The following BRWD1 variants were observed in gnomAD, a reference collection of about 807,000 sequenced individuals.
BRWD1 encodes bromodomain and WD repeat-containing protein 1.
A neutral mutation model predicts 251.2 loss-of-function variants in BRWD1; 82 were observed. The observed-to-expected ratio is 0.33, with a 90% CI of 0.27 to 0.39. BRWD1 has a LOEUF of 0.39. BRWD1 is among the 10% of genes least tolerant of loss of function. BRWD1 has a pLI of 1.00. For missense variants in BRWD1, 2,233 were observed against 2,711.6 expected (o/e 0.82, Z 3.92); for synonymous variants, 918 against 902.8 (o/e 1.02, Z -0.30).
rs1456317099 is a variant in BRWD1, at chr21:39,193,762, T to TA, written c.*2496dup. On this transcript the variant is annotated 3_prime_UTR_variant, in exon 41 of 41. Coordinates refer to ENST00000342449, the MANE Select transcript of BRWD1 (RefSeq NM_033656.4). ...TAAACATTAAAGTACACCTGTGCAT[T>TA]AAATCCCTGGGCATTTTGCATAACG... 1.0e-6 allele frequency: 1 copy of TA among 985,466 alleles called. No individual in the cohort carries two copies. Among genetic ancestry groups the TA allele is most frequent in the Non-Finnish European group, 1.2e-6 (1 of 829,718 alleles). 61.0% of individuals were successfully genotyped at this position (985,466 alleles called of 1,614,324 possible). A position where few individuals can be genotyped will look rare whatever the true frequency, so the allele number is the denominator to read the frequency against.
At chr21:39,247,501 C>A (rs1044715653) in intron 21 of BRWD1, among the ~76,000 whole-genome samples, 200 bp downstream of exon 21, 4 of 152,240 alleles carry the variant, frequency 2.6e-5, no homozygotes, top group African/African-American at 7.2e-5. Flanking sequence ...ACATGTAAAA[C>A]CACTGGATTG....
chr21:39,199,270 C>T lies in BRWD1; in HGVS notation c.5146G>A (p.Glu1716Lys). The T allele has an allele frequency of 6.2e-7, 1 of 1,614,212 alleles. No individual in the cohort carries two copies. The highest frequency in any genetic ancestry group is 8.5e-7 in the Non-Finnish European group (1 of 1,180,046). The change falls in exon 40 of 41, where the codon GAA (glutamate) becomes AAA (lysine). Residue 1716 changes from glutamate (E) to lysine (K), a missense_variant. Physicochemically the swap from Glu to Lys is moderately conservative, Grantham distance 56. Around this residue, in one of 12 missense-constraint regions of BRWD1, gnomAD observed 928 missense variants for 970.0 expected, o/e 0.96. Coordinates refer to ENST00000342449, the MANE Select transcript of BRWD1 (RefSeq NM_033656.4). The stretch of plus-strand genomic sequence containing the variant: ...CTTTCTGACTCTGAGTCTCTGTTTT[C>T]AGATTCATCAACATTGCTCTGGGCA... ...HTAQSNVDES[E>K]NRDSESESDL...
chr21:39,206,569 G>A (rs1413823388), intron 36 of BRWD1, among the ~76,000 whole-genome samples: 1 of 152,166 alleles, frequency 6.6e-6, no homozygotes, highest in African/African-American at 2.4e-5. Flanking sequence ...ACATCTGTAT[G>A]TACAAACCCC....
rs1451071009 is a variant in BRWD1 at position 39,198,966 on chromosome 21, T to C, written c.5450A>G (p.Lys1817Arg). 2 of 1,614,112 alleles carry C rather than the reference T, an allele frequency of 1.2e-6. No individual in the cohort carries two copies. Among genetic ancestry groups the C allele is most frequent in the East Asian group, 4.5e-5 (2 of 44,886 alleles). Residue 1817 changes from lysine (K) to arginine (R), a missense_variant, in exon 40 of 41, where the codon AAG becomes AGG. Lys to Arg is a conservative substitution (Grantham distance 26, BLOSUM62 2). This residue lies in a region of BRWD1 where 928 missense variants were observed against 970.0 expected (regional missense o/e 0.96). Transcript: ENST00000342449. Reference sequence around the variant, plus strand: ...AGAGTCTTCTGAGTCACTCAGAATCTTGGTTTTTTTAAAGAAACTCGCATT... The same window carrying C: ...AGAGTCTTCTGAGTCACTCAGAATCCTGGTTTTTTTAAAGAAACTCGCATT... ...HKNASFFKKT[K>R]ILSDSEDSES...
intron 18 of BRWD1, among the ~76,000 whole-genome samples, chr21:39,256,080 A>T (rs1185999665): frequency 6.6e-6 from 1 of 152,208 alleles, no homozygotes; most frequent in East Asian, 1.9e-4. Flanking sequence ...CGGCTTCCCA[A>T]AGTGCTGGGA....
rs2031702370 is a variant in BRWD1 at position 39,194,341 on chromosome 21, A to G, written c.*1918T>C. On this transcript the variant is annotated 3_prime_UTR_variant, in exon 41 of 41. Transcript: ENST00000342449. Reference sequence around the variant, plus strand: ...GAACAGATTATAAAAGAGAAGGTTAAGAAGAGTTTAAATAAATTAATGGAT... The same window carrying G: ...GAACAGATTATAAAAGAGAAGGTTAGGAAGAGTTTAAATAAATTAATGGAT... 4 of 1,041,364 alleles carry G rather than the reference A, an allele frequency of 3.8e-6. No homozygotes were observed. Among genetic ancestry groups the G allele is most frequent in the African/African-American group, 1.7e-5 (1 of 58,790 alleles). 64.5% of individuals were successfully genotyped at this position (1,041,364 alleles called of 1,614,324 possible).
chr21:39,304,141 C>CAAAAAAAAAAAAAAAAAAA (rs56990201), intron 4 of BRWD1, among the ~76,000 whole-genome samples: 5 of 118,404 alleles, frequency 4.2e-5, no homozygotes, highest in Non-Finnish European at 5.2e-5. Flanking sequence ...AACTCTTTCT[C>CAAAAAAAAAAAAAAAAAAA]AAAAAAAAAA....
At position 39,192,689 on chromosome 21, in the gene BRWD1, G is replaced by A; in HGVS notation, c.*3570C>T. 1 of 985,002 alleles carries A rather than the reference G, an allele frequency of 1.0e-6. No individual in the cohort carries two copies. The highest frequency in any genetic ancestry group is 1.2e-6 in the Non-Finnish European group (1 of 829,710). 61.0% of individuals were successfully genotyped at this position (985,002 alleles called of 1,614,324 possible). On this transcript the variant is annotated 3_prime_UTR_variant, in exon 41 of 41. Coordinates refer to ENST00000342449, the MANE Select transcript of BRWD1 (RefSeq NM_033656.4). ...GTTATTTCAGCTTTAAAAGGGCAAAGCAAAAAGACCATTTTCTAGCCATTT... is the reference window on the plus strand; with the variant it reads ...GTTATTTCAGCTTTAAAAGGGCAAAACAAAAAGACCATTTTCTAGCCATTT...
chr21:39,253,788 A>G (rs2034474961), intron 19 of BRWD1, among the ~76,000 whole-genome samples: 1 of 152,232 alleles, frequency 6.6e-6, no homozygotes. Flanking sequence ...TTATTATGAC[A>G]TACAAACATG....
rs2031551908 is a variant in BRWD1 at position 39,191,476 on chromosome 21, A to G, written c.*4783T>C. On this transcript the variant is annotated 3_prime_UTR_variant, in exon 41 of 41. Transcript: ENST00000342449. Reference sequence around the variant, plus strand: ...ATTATATCCCATTTAAGAACTGACAAAAATCATCTAAATGAATAGATTAAT... The same window carrying G: ...ATTATATCCCATTTAAGAACTGACAGAAATCATCTAAATGAATAGATTAAT... The G allele has an allele frequency of 1.0e-6, 1 of 979,476 alleles. No homozygotes were observed. The highest frequency in any genetic ancestry group is 6.2e-5 in the Admixed American group (1 of 16,236). The allele number at this position is 979,476 out of a possible 1,614,324, so 60.7% of individuals were successfully genotyped here.
At chr21:39,266,190 C>T (rs994754148) in intron 15 of BRWD1, among the ~76,000 whole-genome samples, 1 of 151,970 alleles carries the variant, frequency 6.6e-6, no homozygotes, top group African/African-American at 2.4e-5. Flanking sequence ...AAAAGGATGA[C>T]AATTAGCAAA....
At chr21:39,238,332 T>C in intron 22 of BRWD1, 147 bp downstream of exon 22, 1 of 565,566 alleles carries the variant, frequency 1.8e-6, no homozygotes, top group East Asian at 3.1e-5. Context: ...TAGGAACAGC[T>C]GTTGGATCTA....
chr21:39,285,887 A>AG (rs2035618652), intron 8 of BRWD1, among the ~76,000 whole-genome samples: 1 of 151,340 alleles, frequency 6.6e-6, no homozygotes, highest in Non-Finnish European at 1.5e-5. Flanking sequence ...AAAAAAAAAA[A>AG]AAAAAAGAAT....
rs58765400 is a variant in BRWD1, at chr21:39,207,451, A to AACACACACACACACACACAC, written c.4198-1197_4198-1178dup. Among the ~76,000 whole-genome samples, 1,272 of 131,252 alleles carry AACACACACACACACACACAC rather than the reference A, an allele frequency of 9.7e-3. 14 individuals are homozygous for AACACACACACACACACACAC. Among genetic ancestry groups the AACACACACACACACACACAC allele is most frequent in the Middle Eastern group, 0.025 (6 of 244 alleles). 86.1% of individuals were successfully genotyped at this position (131,252 alleles called of 152,430 possible). On this transcript the variant is annotated intron_variant, in intron 36 of 40. Coordinates refer to ENST00000342449, the MANE Select transcript of BRWD1 (RefSeq NM_033656.4). ...CAAAAAAAAAAAAGAAAAAAAAGAAAACACACACACACACACACACACACA... is the reference window on the plus strand; with the variant it reads ...CAAAAAAAAAAAAGAAAAAAAAGAAAACACACACACACACACACACACACACACACACACACACACACACA...
intron 29 of BRWD1, 109 bp from the exon 30 acceptor site, chr21:39,218,769 G>T: frequency 1.2e-6 from 1 of 847,526 alleles, no homozygotes; most frequent in Non-Finnish European, 1.7e-6. Context: ...TATCTCCACA[G>T]TCAAAAATAG....
chr21:39,229,105 A>G (rs1270285897), intron 26 of BRWD1, among the ~76,000 whole-genome samples: 4 of 152,188 alleles, frequency 2.6e-5, no homozygotes, highest in Admixed American at 6.5e-5. Context: ...CAGACTGCCC[A>G]CACTTAACTA....
intron 25 of BRWD1, among the ~76,000 whole-genome samples, chr21:39,230,933 T>G (rs1285977842): frequency 6.6e-6 from 1 of 152,086 alleles, no homozygotes; most frequent in Non-Finnish European, 1.5e-5. Context: ...AGAGTACTGT[T>G]TGGGGGATTA....
intron 38 of BRWD1, among the ~76,000 whole-genome samples, chr21:39,200,977 C>T (rs1038361515): frequency 6.6e-6 from 1 of 152,154 alleles, no homozygotes; most frequent in Admixed American, 6.5e-5. Flanking sequence ...GAAAGAGACT[C>T]TGTCTCAAAA....
intron 20 of BRWD1, among the ~76,000 whole-genome samples, chr21:39,249,971 T>C (rs987379614): frequency 1.3e-5 from 2 of 149,904 alleles, no homozygotes; most frequent in Admixed American, 6.6e-5. Flanking sequence ...CACACACACA[T>C]AGATATATAT....
Sources: gnomAD v4.1 joint callset for allele counts (sites outside exome capture counted in the v4.1 genomes callset) on GRCh38, gnomAD v4.1.1 for gene constraint, gnomAD v4.1.1 regional missense constraint, MANE v1.5 for transcripts, NCBI Gene and HGNC (gene_info 2026-07-23, HGNC 2026-07-21) for gene names.